PNPLA7: variants seen among roughly 807,000 people sequenced by gnomAD.
PNPLA7 encodes patatin like domain 7, lysophospholipase.
PNPLA7 carries 153 observed loss-of-function variants against 161.7 expected under a neutral mutation model. That is an observed-to-expected ratio of 0.95 (90% CI 0.83 to 1.08). PNPLA7 has a LOEUF of 1.08. Ranked by LOEUF, PNPLA7 falls within the 50% of genes least tolerant of loss-of-function variation. PNPLA7 has a pLI of 0.00. For synonymous variants in PNPLA7, 809 were observed against 782.1 expected (o/e 1.03, Z -0.57); for missense variants, 1,739 against 1,856.6 (o/e 0.94, Z 1.16).
chr9:137,508,004 G>A (rs1254930673), intron 12 of PNPLA7, among the ~76,000 whole-genome samples: 2 of 152,104 alleles, frequency 1.3e-5, no homozygotes, highest in Non-Finnish European at 2.9e-5. Context: ...ACCAGCCTGG[G>A]CAACACAGCA....
intron 14 of PNPLA7, among the ~76,000 whole-genome samples, chr9:137,503,891 A>AG (rs1833717005): frequency 1.4e-4 from 7 of 51,610 alleles, no homozygotes; most frequent in African/African-American, 3.8e-4. Flanking sequence ...AGAAGAAGGA[A>AG]GAAGAAGAAG....
At chr9:137,495,251 C>A in intron 18 of PNPLA7, 105 bp from the exon 19 acceptor site, 1 of 718,014 alleles carries the variant, frequency 1.4e-6, no homozygotes, top group East Asian at 2.7e-5. Flanking sequence ...ACATGACACC[C>A]CATCCACACC....
At chr9:137,510,140 G>A (rs531379570) in intron 12 of PNPLA7, among the ~76,000 whole-genome samples, 50 of 152,242 alleles carry the variant, frequency 3.3e-4, no homozygotes, top group Admixed American at 1.8e-3. Context: ...ATGGTCCAGC[G>A]GTAGCAAAAG....
At position 137,481,004 on chromosome 9, in the gene PNPLA7, A is replaced by C; in HGVS notation, c.2367T>G (p.Thr789=). The C allele has an allele frequency of 6.4e-7, 1 of 1,551,644 alleles. No individual in the cohort carries two copies. The highest frequency in any genetic ancestry group is 8.7e-7 in the Non-Finnish European group (1 of 1,146,946). ...LSAIGPTLLL[T]SDNIKRRLGS... The stretch of plus-strand genomic sequence containing the variant: ...CAAGGCGCCGTTTTATGTTGTCACT[A>C]GTCAGCAGCAGGGTCGGGCCTGAAA... The change falls in exon 22 of 35, where the codon ACT becomes ACG. Residue 789 remains threonine, a synonymous_variant. Transcript: ENST00000406427.
At chr9:137,538,126 C>T (rs898407968) in intron 8 of PNPLA7, among the ~76,000 whole-genome samples, 4 of 152,304 alleles carry the variant, frequency 2.6e-5, no homozygotes, top group African/African-American at 9.6e-5. Context: ...TGCCCCAAGC[C>T]ACGCTGGGGG....
In PNPLA7 at chr9:137,462,339, C is replaced by G; in HGVS notation, c.3493-8G>C. 6.3e-7 allele frequency: 1 copy of G among 1,589,666 alleles called. No individual in the cohort carries two copies. The highest frequency in any genetic ancestry group is 1.1e-5 in the South Asian group (1 of 87,466). Reference sequence around the variant, plus strand: ...CTCTGCCATGTTCAACACCTGCTGCCGTCACAGCCGCCTGAGTCTCCTGCC... The same window carrying G: ...CTCTGCCATGTTCAACACCTGCTGCGGTCACAGCCGCCTGAGTCTCCTGCC... On this transcript the variant is annotated splice_region_variant and splice_polypyrimidine_tract_variant and intron_variant, in intron 30 of 34. Transcript: ENST00000406427.
At chr9:137,534,155 C>T (rs889701927) in intron 8 of PNPLA7, among the ~76,000 whole-genome samples, 1 of 146,000 alleles carries the variant, frequency 6.8e-6, no homozygotes, top group Non-Finnish European at 1.5e-5. Flanking sequence ...ACAACAGTGT[C>T]CACTCCAGAC....
chr9:137,480,479 C>T lies in PNPLA7; in HGVS notation c.2413G>A (p.Val805Ile), dbSNP rs142920867. Residue 805 changes from valine to isoleucine, a missense_variant and splice_region_variant, in exon 23 of 35, where the codon GTT becomes ATT. Physicochemically the swap from Val to Ile is conservative, Grantham distance 29. Around this residue, in one of 6 missense-constraint regions of PNPLA7, gnomAD observed 192 missense variants for 249.5 expected, o/e 0.77. Transcript: ENST00000406427. Reference protein sequence around the residue: ...RRLGSAALDSVHEYRLSSWLG... With the variant: ...RRLGSAALDSIHEYRLSSWLG... ...CAGCTGGACAGCCGGTACTCGTGAA[C>T]ACTGCAGCACGCAGAGGGAGTACCT... 1,017 of 1,604,786 alleles carry T rather than the reference C, an allele frequency of 6.3e-4. 1 individual carries two copies. Among genetic ancestry groups the T allele is most frequent in the Non-Finnish European group, 8.0e-4 (936 of 1,174,082 alleles).
chr9:137,462,459 C>T lies in PNPLA7; in HGVS notation c.3493-128G>A, dbSNP rs1369394031. The T allele has an allele frequency of 4.1e-6, 6 of 1,454,624 alleles. No individual in the cohort carries two copies. The African/African-American group carries it at 7.1e-5, about 17-fold the overall frequency. 90.1% of individuals were successfully genotyped at this position (1,454,624 alleles called of 1,614,324 possible). A position where few individuals can be genotyped will look rare whatever the true frequency, so the allele number is the denominator to read the frequency against. ...GGTAGGTTCTGGGGGGAGAGGGTAG[C>T]AGCACCCGGCCGGGGGTCCTCCCTG... On this transcript the variant is annotated intron_variant, in intron 30 of 34. Transcript: ENST00000406427.
chr9:137,479,636 G>A (rs1446543964), intron 23 of PNPLA7: 2 of 985,346 alleles, frequency 2.0e-6, no homozygotes, highest in Non-Finnish European at 2.4e-6. Context: ...GCCCAGGCAG[G>A]CTTGTGATGA....
intron 9 of PNPLA7, among the ~76,000 whole-genome samples, chr9:137,522,456 C>T (rs946945965): frequency 3.9e-5 from 6 of 152,216 alleles, no homozygotes; most frequent in Admixed American, 1.3e-4. Context: ...TCCCACAGTG[C>T]TGGGGTTACA....
chr9:137,515,558 C>T (rs1264181221), intron 11 of PNPLA7, 39 bp from the exon 12 acceptor site: 2 of 1,497,650 alleles, frequency 1.3e-6, no homozygotes, highest in African/African-American at 1.4e-5. Context: ...TGTTTGCACG[C>T]ACTCCCTGGT....
rs1180884227 is a variant in PNPLA7 at position 137,524,337 on chromosome 9, G to C, written c.748-1480C>G. Among the ~76,000 whole-genome samples the C allele has an allele frequency of 6.6e-6, 1 of 151,776 alleles. No individual in the cohort carries two copies. The highest frequency in any genetic ancestry group is 1.5e-5 in the Non-Finnish European group (1 of 67,876). On this transcript the variant is annotated intron_variant, in intron 8 of 34. Coordinates refer to ENST00000406427, the MANE Select transcript of PNPLA7 (RefSeq NM_001098537.3). The surrounding 1 kb of genome is among the most constrained non-coding windows in gnomAD (Gnocchi z 4.4). Reference sequence around the variant, plus strand: ...TCGCAGGGTCTCCGTCCATTCAGCAGTCGAGATTCCCCCACGGTGGCGCGT... The same window carrying C: ...TCGCAGGGTCTCCGTCCATTCAGCACTCGAGATTCCCCCACGGTGGCGCGT...
chr9:137,484,283 A>G (rs1317993594), intron 21 of PNPLA7, among the ~76,000 whole-genome samples: 2 of 152,206 alleles, frequency 1.3e-5, no homozygotes, highest in Non-Finnish European at 2.9e-5. Flanking sequence ...CCTTAAACCC[A>G]CAGAAAACTG....
chr9:137,479,978 A>C, intron 23 of PNPLA7: 1 of 877,990 alleles, frequency 1.1e-6, no homozygotes, highest in Non-Finnish European at 1.4e-6. Context: ...GCTGTGGAGA[A>C]AAGCAAACTT....
At chr9:137,461,878 A>G (rs539227566) in intron 32 of PNPLA7, 53 bp downstream of exon 32, 7 of 1,442,570 alleles carry the variant, frequency 4.9e-6, no homozygotes, top group Non-Finnish European at 5.6e-6. Flanking sequence ...GCGTGGCCCG[A>G]AGAACTGGGC....
At chr9:137,545,598 A>G (rs1234965292) in intron 4 of PNPLA7, among the ~76,000 whole-genome samples, 6 of 152,246 alleles carry the variant, frequency 3.9e-5, no homozygotes, top group Non-Finnish European at 7.3e-5. Context: ...TATACTACAT[A>G]TAGATCTTAG....
At chr9:137,473,022 G>T (rs1405001123) in intron 25 of PNPLA7, among the ~76,000 whole-genome samples, 1 of 152,194 alleles carries the variant, frequency 6.6e-6, no homozygotes, top group African/African-American at 2.4e-5. Context: ...CACAATCATG[G>T]TGGAAGGTGA....
At chr9:137,487,941 G>A (rs1315802165) in intron 20 of PNPLA7, among the ~76,000 whole-genome samples, 2 of 152,172 alleles carry the variant, frequency 1.3e-5, no homozygotes, top group South Asian at 4.1e-4. Context: ...TTGGCCACAC[G>A]GGAGGAGCGG....
Sources: allele counts gnomAD v4.1 joint callset (sites outside exome capture counted in the v4.1 genomes callset), GRCh38; gene constraint gnomAD v4.1.1; regional missense constraint gnomAD v4.1.1; non-coding constraint Gnocchi (gnomAD v3.1); transcripts MANE v1.5; gene names NCBI Gene and HGNC (gene_info 2026-07-23, HGNC 2026-07-21).